NTM: variants seen among roughly 807,000 people sequenced by gnomAD.
NTM encodes the protein IgLON family member 2.
NTM carries 13 observed loss-of-function variants against 42.1 expected under a neutral mutation model. That is an observed-to-expected ratio of 0.31 (90% confidence interval 0.20 to 0.49). The LOEUF (loss-of-function observed/expected upper bound fraction) is 0.49, where lower values mean the gene tolerates loss of function less well. Among genes scored for constraint, NTM ranks in the 20% least tolerant of loss-of-function variants. NTM has a pLI of 0.99. For missense variants in NTM, 373 were observed against 452.8 expected (o/e 0.82, Z 1.60); for synonymous variants, 187 against 179.2 (o/e 1.04, Z -0.35).
At chr11:132,330,026 TG>T in intron 7 of NTM, 126 bp from the exon 8 acceptor site, 4 of 1,447,594 alleles carry the variant, frequency 2.8e-6, no homozygotes, top group South Asian at 1.4e-5. Context: ...GCAAGGGACA[TG>T]GGCAAGAGGC....
At chr11:131,441,496 C>A (rs1482269201) in intron 1 of NTM, among the ~76,000 whole-genome samples, 1 of 152,204 alleles carries the variant, frequency 6.6e-6, no homozygotes, top group South Asian at 2.1e-4. Context: ...CCACTCACAA[C>A]ACTATGGAAT....
chr11:131,577,352 G>T (rs865846626), intron 1 of NTM, among the ~76,000 whole-genome samples: 1 of 151,740 alleles, frequency 6.6e-6, no homozygotes, highest in Non-Finnish European at 1.5e-5. Context: ...TTACTTAGTC[G>T]CTCTGTCCTG....
At chr11:131,475,764 G>T (rs1378975673) in intron 1 of NTM, among the ~76,000 whole-genome samples, 1 of 152,138 alleles carries the variant, frequency 6.6e-6, no homozygotes, top group East Asian at 1.9e-4. Flanking sequence ...ATGAGCCAAA[G>T]TATAACTGGG....
chr11:132,037,920 C>G (rs1487260756), intron 2 of NTM, among the ~76,000 whole-genome samples: 1 of 152,244 alleles, frequency 6.6e-6, no homozygotes, highest in Non-Finnish European at 1.5e-5. Context: ...CAGATAACTC[C>G]ATGTCCGTGC....
In NTM at chr11:132,293,166, C is replaced by A. The variant is rs138401968; in HGVS notation, c.527-14523C>A. Among the ~76,000 whole-genome samples, 9 of 151,922 alleles carry A rather than the reference C, an allele frequency of 5.9e-5. No individual in the cohort carries two copies. In the South Asian group the frequency reaches 1.9e-3, roughly 32 times the overall value. Reference sequence around the variant, plus strand: ...TTTATTGAATAGAAAAAAATAATAACCAGGAAGTCAGTAGAGAACAGAAAT... The same window carrying A: ...TTTATTGAATAGAAAAAAATAATAAACAGGAAGTCAGTAGAGAACAGAAAT... On this transcript the variant is annotated intron_variant, in intron 4 of 8. Coordinates refer to ENST00000683400, the MANE Select transcript of NTM (RefSeq NM_001352005.2).
chr11:132,295,538 C>G (rs78716178), intron 4 of NTM, among the ~76,000 whole-genome samples: 4,566 of 152,098 alleles, frequency 0.03, 208 homozygotes, highest in African/African-American at 0.1. Flanking sequence ...GGGAGGAGGC[C>G]CGGAAGTTTG....
chr11:131,774,403 G>A (rs1383896378), intron 1 of NTM, among the ~76,000 whole-genome samples: 2 of 152,154 alleles, frequency 1.3e-5, no homozygotes, highest in Non-Finnish European at 2.9e-5. Flanking sequence ...TAGGGAGCTG[G>A]AAAAATCACT....
intron 1 of NTM, among the ~76,000 whole-genome samples, chr11:131,754,555 A>G (rs558146630): frequency 5.7e-4 from 86 of 151,926 alleles, no homozygotes; most frequent in African/African-American, 2.0e-3. Flanking sequence ...AACCTGGAAG[A>G]CAGAGGTTGC....
At chr11:131,466,954 GAC>G (rs749682042) in intron 1 of NTM, among the ~76,000 whole-genome samples, 44 of 152,290 alleles carry the variant, frequency 2.9e-4, no homozygotes, top group African/African-American at 1.0e-3. Context: ...CACACTCACT[GAC>G]ACACACGTGT....
At chr11:132,286,866 T>G (rs2094258691) in intron 4 of NTM, among the ~76,000 whole-genome samples, 2 of 152,234 alleles carry the variant, frequency 1.3e-5, no homozygotes, top group South Asian at 4.1e-4. Flanking sequence ...GCAGGATCCC[T>G]GAGAACCCTG....
intron 1 of NTM, among the ~76,000 whole-genome samples, chr11:131,830,189 A>G (rs918255820): frequency 2.0e-5 from 3 of 152,004 alleles, no homozygotes; most frequent in Non-Finnish European, 4.4e-5. Flanking sequence ...ATTAAGTTCC[A>G]CTTGTCGATT....
chr11:131,638,892 A>G (rs1000158107), intron 1 of NTM, among the ~76,000 whole-genome samples: 11 of 152,236 alleles, frequency 7.2e-5, no homozygotes, highest in African/African-American at 2.2e-4. Flanking sequence ...ATTTAGAATA[A>G]TAACAACAAC....
chr11:132,134,779 A>G (rs1399181529), intron 2 of NTM, among the ~76,000 whole-genome samples: 2 of 127,970 alleles, frequency 1.6e-5, no homozygotes, highest in African/African-American at 5.6e-5. Context: ...TTCTTTATCT[A>G]TTCATTGATT....
chr11:132,001,999 G>A (rs887264919), intron 2 of NTM, among the ~76,000 whole-genome samples: 3 of 152,178 alleles, frequency 2.0e-5, no homozygotes, highest in Non-Finnish European at 2.9e-5. Context: ...GAAGCCTCAT[G>A]TGTAGAAAAA....
chr11:131,651,700 G>A (rs1002478522), intron 1 of NTM, among the ~76,000 whole-genome samples: 12 of 152,074 alleles, frequency 7.9e-5, no homozygotes, highest in African/African-American at 2.7e-4. Context: ...AATTAGCTGG[G>A]CATGGTGGCC....
At chr11:131,508,786 C>A (rs796699121) in intron 1 of NTM, among the ~76,000 whole-genome samples, 2 of 78,552 alleles carry the variant, frequency 2.5e-5, no homozygotes, top group African/African-American at 5.8e-5. Context: ...ATCGCAAGAA[C>A]AAAAAACCAA....
chr11:131,772,467 CCTT>C (rs1263779902), intron 1 of NTM, among the ~76,000 whole-genome samples: 1 of 152,170 alleles, frequency 6.6e-6, no homozygotes, highest in South Asian at 2.1e-4. Flanking sequence ...ATCAGAGAGA[CCTT>C]CTTCTGCTGG....
chr11:132,048,244 AC>A (rs1289328928), intron 2 of NTM, among the ~76,000 whole-genome samples: 5 of 151,740 alleles, frequency 3.3e-5, no homozygotes, highest in Admixed American at 3.3e-4. Context: ...AGACAGCAAT[AC>A]CCCCCATGCC....
At chr11:132,089,777 A>G (rs919265914) in intron 2 of NTM, among the ~76,000 whole-genome samples, 2 of 152,130 alleles carry the variant, frequency 1.3e-5, no homozygotes, top group African/African-American at 4.8e-5. Context: ...TCTTGCTTCT[A>G]TTTTACCAGA....
Sources: gnomAD v4.1 joint callset for allele counts (sites outside exome capture counted in the v4.1 genomes callset) on GRCh38, gnomAD v4.1.1 for gene constraint, MANE v1.5 for transcripts, NCBI Gene and HGNC (gene_info 2026-07-23, HGNC 2026-07-21) for gene names.